Variants in METRNL observed in about 807,000 individuals in gnomAD.
METRNL encodes the protein meteorin like, glial cell differentiation regulator, also known as meteorin-like protein.
In METRNL, 9 loss-of-function variants were observed where a neutral mutation model predicts 17.4. The observed-to-expected ratio is 0.52, with a 90% confidence interval of 0.31 to 0.90. The LOEUF (loss-of-function observed/expected upper bound fraction) is 0.90, where lower values mean the gene tolerates loss of function less well. METRNL is among the 40% of genes least tolerant of loss of function. The pLI, the probability that METRNL is intolerant of heterozygous loss-of-function variation, is 0.05. For synonymous variants in METRNL, 215 were observed against 199.3 expected, an observed-to-expected ratio of 1.08 and a Z score of -0.66; for missense variants, 408 against 430.7, an observed-to-expected ratio of 0.95 and a Z score of 0.47.
At chr17:83,084,062 A>G (rs66468457) in intron 1 of METRNL, 45,292 of 152,002 alleles carry the variant, frequency 0.3, 7,032 homozygotes, top group Admixed American at 0.35. Flanking sequence ...AGTGTAGCAC[A>G]CTTCATTTTT....
intron 2 of METRNL, among the ~76,000 whole-genome samples, chr17:83,090,960 C>T (rs539013618): frequency 2.0e-5 from 3 of 152,286 alleles, no homozygotes; most frequent in African/African-American, 7.2e-5. Context: ...TGGGGGTCCA[C>T]ATAGGTGAAC....
intron 3 of METRNL, 24 bp downstream of exon 3, chr17:83,093,250 T>C: frequency 6.3e-7 from 1 of 1,596,422 alleles, no homozygotes; most frequent in East Asian, 2.2e-5. Flanking sequence ...CGGCAGCTTC[T>C]ACCTCCTGTG....
At chr17:83,082,282 T>G (rs2037998939) in intron 1 of METRNL, 1 of 984,778 alleles carries the variant, frequency 1.0e-6, no homozygotes, top group African/African-American at 1.7e-5. Flanking sequence ...CCTTCCTGAC[T>G]TTCATACAGG....
rs139454630 is a variant in METRNL, at chr17:83,092,210, G to A, written c.557-957G>A. Among the ~76,000 whole-genome samples, 223 of 152,308 alleles carry A rather than the reference G, an allele frequency of 1.5e-3. 1 individual carries two copies. Among genetic ancestry groups the A allele is most frequent in the South Asian group, 4.8e-3 (23 of 4,824 alleles). On this transcript the variant is annotated intron_variant, in intron 2 of 3. Transcript: ENST00000320095. ...ATTTGGGGCATGCACCTCATCCCGCGGCCAGGTGGCATCCGGGGAAGGGGC... is the reference window on the plus strand; with the variant it reads ...ATTTGGGGCATGCACCTCATCCCGCAGCCAGGTGGCATCCGGGGAAGGGGC...
chr17:83,093,198 G>A lies in METRNL; in HGVS notation c.588G>A (p.Val196=). The A allele has an allele frequency of 1.9e-6, 3 of 1,608,326 alleles. No homozygotes were observed. Among genetic ancestry groups the A allele is most frequent in the Non-Finnish European group, 1.7e-6 (2 of 1,179,910 alleles). Reference sequence around the variant, plus strand: ...GCCGTCCCTGCAGTGACACCGAGGTGCTCCTAGCCGTCTGCACCAGCGACT... The same window carrying A: ...GCCGTCCCTGCAGTGACACCGAGGTACTCCTAGCCGTCTGCACCAGCGACT... ...APCRPCSDTE[V]LLAVCTSDFA... is the part of the protein sequence containing the mutation. The change falls in exon 3 of 4, where the codon GTG becomes GTA. Residue 196 remains valine, a synonymous_variant. Coordinates refer to ENST00000320095, the MANE Select transcript of METRNL (RefSeq NM_001004431.3).
In METRNL at chr17:83,094,931, G is replaced by C. The variant is rs1395091395; in HGVS notation, c.*356G>C. ...GAGTCACGGCATCTGGCCTGCGGTT[G>C]GGTGAAGCACTGGCCGTTGGGCACA... is the stretch of plus-strand genomic sequence containing the variant. On this transcript the variant is annotated 3_prime_UTR_variant, in exon 4 of 4. Coordinates refer to ENST00000320095, the MANE Select transcript of METRNL (RefSeq NM_001004431.3). 1 of 251,634 alleles carries C rather than the reference G, an allele frequency of 4.0e-6. No homozygotes were observed. The highest frequency in any genetic ancestry group is 7.5e-6 in the Non-Finnish European group (1 of 133,324). 15.6% of individuals were successfully genotyped at this position (251,634 alleles called of 1,614,324 possible).
At chr17:83,094,232 G>A in intron 3 of METRNL, 24 bp from the exon 4 acceptor site, 1 of 1,540,966 alleles carries the variant, frequency 6.5e-7, no homozygotes, top group Non-Finnish European at 8.8e-7. Context: ...CTCACTCCCT[G>A]TCCCCATCTC....
chr17:83,087,589 C>A (rs1171062157), intron 2 of METRNL, among the ~76,000 whole-genome samples: 1 of 152,244 alleles, frequency 6.6e-6, no homozygotes, highest in Non-Finnish European at 1.5e-5. Flanking sequence ...GCCTTTAATG[C>A]TGCAGGAATG....
chr17:83,090,115 C>T (rs1190253912), intron 2 of METRNL, among the ~76,000 whole-genome samples: 1 of 151,486 alleles, frequency 6.6e-6, no homozygotes, highest in East Asian at 1.9e-4. Context: ...GTGGGCTCCC[C>T]TGCCCCAGGG....
At chr17:83,089,910 TC>T (rs1423231600) in intron 2 of METRNL, among the ~76,000 whole-genome samples, 3 of 151,792 alleles carry the variant, frequency 2.0e-5, no homozygotes, top group South Asian at 4.1e-4. Flanking sequence ...GCACTGACCG[TC>T]CCCGGCCCCA....
At chr17:83,087,559 C>T (rs917142163) in intron 2 of METRNL, among the ~76,000 whole-genome samples, 1 of 152,194 alleles carries the variant, frequency 6.6e-6, no homozygotes, top group African/African-American at 2.4e-5. Flanking sequence ...CGCCTTTCAT[C>T]AGGGGACGGG....
rs139658184 is a variant in METRNL, at chr17:83,093,192, C to G, written c.582C>G (p.Thr194=). ...CGCCGTGCCGTCCCTGCAGTGACAC[C>G]GAGGTGCTCCTAGCCGTCTGCACCA... ...LSAPCRPCSD[T]EVLLAVCTSD... is the part of the protein sequence containing the mutation. Residue 194 remains threonine, a synonymous_variant, in exon 3 of 4, where the codon ACC becomes ACG. Coordinates refer to ENST00000320095, the MANE Select transcript of METRNL (RefSeq NM_001004431.3). 6.7e-5 allele frequency: 108 copies of G among 1,608,218 alleles called. No homozygotes were observed. In the African/African-American group the frequency reaches 1.1e-3, roughly 16 times the overall value.
intron 1 of METRNL, 111 bp from the exon 2 acceptor site, chr17:83,084,827 C>G: frequency 7.1e-7 from 1 of 1,417,616 alleles, no homozygotes; most frequent in Non-Finnish European, 9.5e-7. Context: ...CGGGTGGGTC[C>G]AGGAGCCGCC....
rs754655943 is a variant in METRNL, at chr17:83,094,399, G to A, written c.760G>A (p.Val254Ile). 14 of 1,609,836 alleles carry A rather than the reference G, an allele frequency of 8.7e-6. No individual in the cohort carries two copies. The highest frequency in any genetic ancestry group is 1.7e-5 in the Admixed American group (1 of 59,754). ...GGGTGACGGCCACTGGCAGGGGCGC[G>A]TCAGGACGCTGCTGGAGTGTGGCGT... ...PEGDGHWQGR[V>I]RTLLECGVRP... The change falls in exon 4 of 4, where the codon GTC (valine) becomes ATC (isoleucine). Residue 254 changes from valine (V) to isoleucine (I), a missense_variant. Transcript: ENST00000320095.
intron 1 of METRNL, among the ~76,000 whole-genome samples, chr17:83,082,633 C>G (rs145020595): frequency 4.3e-4 from 66 of 152,334 alleles, no homozygotes; most frequent in South Asian, 1.9e-3. Flanking sequence ...TCATCCATGA[C>G]CATTAAAGAT....
chr17:83,080,686 C>T (rs1411843556), intron 1 of METRNL, among the ~76,000 whole-genome samples: 3 of 147,254 alleles, frequency 2.0e-5, no homozygotes, highest in Non-Finnish European at 4.5e-5. Context: ...GCCGCCGCCG[C>T]TCCCACGCGA....
At chr17:83,082,252 C>T in intron 1 of METRNL, 2 of 985,464 alleles carry the variant, frequency 2.0e-6, no homozygotes, top group Non-Finnish European at 2.4e-6. Flanking sequence ...GGAAAGTTAA[C>T]CTGCCAGTGG....
At chr17:83,088,527 CTG>C (rs781507551) in intron 2 of METRNL, among the ~76,000 whole-genome samples, 25 of 152,288 alleles carry the variant, frequency 1.6e-4, no homozygotes, top group Non-Finnish European at 1.2e-4. Flanking sequence ...GGTGCAGGCT[CTG>C]TGTAAGGCCC....
chr17:83,079,765 T>C lies in METRNL; in HGVS notation c.-51T>C. 2 of 917,268 alleles carry C rather than the reference T, an allele frequency of 2.2e-6. No individual in the cohort carries two copies. Among genetic ancestry groups the C allele is most frequent in the Non-Finnish European group, 2.6e-6 (2 of 774,412 alleles). The allele number at this position is 917,268 out of a possible 1,614,324, so 56.8% of individuals were successfully genotyped here. On this transcript the variant is annotated 5_prime_UTR_variant, in exon 1 of 4. Transcript: ENST00000320095. ...CGCCCGGCTCGCCGGCTCCGGGGTCTGCTCCGGGGGTCGCGGACGCGGGGC... is the reference window on the plus strand; with the variant it reads ...CGCCCGGCTCGCCGGCTCCGGGGTCCGCTCCGGGGGTCGCGGACGCGGGGC...
Sources: allele counts gnomAD v4.1 joint callset (sites outside exome capture counted in the v4.1 genomes callset), GRCh38; gene constraint gnomAD v4.1.1; transcripts MANE v1.5; gene names NCBI Gene and HGNC (gene_info 2026-07-23, HGNC 2026-07-21).